The following FHIT variants were observed in gnomAD, a reference collection of about 807,000 sequenced individuals.
The protein encoded by FHIT is fragile histidine triad diadenosine triphosphatase.
FHIT carries 19 observed loss-of-function variants against 17.9 expected under a neutral mutation model. The ratio of observed to expected loss-of-function variants is 1.06; its 90% CI spans 0.74 to 1.56. FHIT has a LOEUF of 1.56. Ranked by LOEUF, FHIT falls within the 40% of genes most tolerant of loss-of-function variation. FHIT has a pLI of 0.00. For synonymous variants in FHIT, 81 were observed against 69.7 expected, an observed-to-expected ratio of 1.16 and a Z score of -0.81; for missense variants, 248 against 189.2, an observed-to-expected ratio of 1.31 and a Z score of -1.82.
chr3:60,079,253 A>G (rs1353273812), intron 5 of FHIT, among the ~76,000 whole-genome samples: 1 of 152,106 alleles, frequency 6.6e-6, no homozygotes, highest in African/African-American at 2.4e-5. Context: ...CGCAGAGACA[A>G]TGCTGTTCTA....
chr3:61,006,760 T>C (rs1305750988), intron 3 of FHIT, among the ~76,000 whole-genome samples: 1 of 152,144 alleles, frequency 6.6e-6, no homozygotes, highest in Non-Finnish European at 1.5e-5. Flanking sequence ...AAATAAAATA[T>C]ACAGAATGAA....
At chr3:59,907,780 C>T (rs1177781851) in intron 8 of FHIT, among the ~76,000 whole-genome samples, 1 of 152,230 alleles carries the variant, frequency 6.6e-6, no homozygotes, top group Non-Finnish European at 1.5e-5. Context: ...CACTGGAGGT[C>T]AGATGTCCAA....
intron 5 of FHIT, among the ~76,000 whole-genome samples, chr3:60,046,547 G>A (rs1701661879): frequency 6.6e-6 from 1 of 152,162 alleles, no homozygotes; most frequent in African/African-American, 2.4e-5. Context: ...TGGACACTAG[G>A]ACTTGTTCAC....
chr3:61,142,713 T>C (rs930018027), intron 2 of FHIT, among the ~76,000 whole-genome samples: 2 of 152,232 alleles, frequency 1.3e-5, no homozygotes, highest in African/African-American at 4.8e-5. Flanking sequence ...TACATTAACA[T>C]TTTTCATTAG....
At chr3:60,063,297 T>C (rs543699261) in intron 5 of FHIT, among the ~76,000 whole-genome samples, 2 of 152,302 alleles carry the variant, frequency 1.3e-5, no homozygotes, top group South Asian at 4.2e-4. Flanking sequence ...TTTTTGACAG[T>C]TACTAAATGA....
chr3:61,189,478 G>A (rs1369328056), intron 2 of FHIT, among the ~76,000 whole-genome samples: 1 of 152,184 alleles, frequency 6.6e-6, no homozygotes, highest in East Asian at 1.9e-4. Flanking sequence ...TGGGTAGGAA[G>A]AATCAATATG....
intron 3 of FHIT, among the ~76,000 whole-genome samples, chr3:61,010,603 G>A (rs1361447506): frequency 6.6e-6 from 1 of 152,172 alleles, no homozygotes; most frequent in Non-Finnish European, 1.5e-5. Flanking sequence ...TCCACCTGAT[G>A]GCCAAGGAAG....
intron 5 of FHIT, among the ~76,000 whole-genome samples, chr3:60,067,145 T>C (rs1431194424): frequency 6.6e-6 from 1 of 152,160 alleles, no homozygotes; most frequent in African/African-American, 2.4e-5. Flanking sequence ...TTCATGAACA[T>C]GAGTCTCTAT....
intron 1 of FHIT, among the ~76,000 whole-genome samples, chr3:61,231,766 A>G (rs1315394507): frequency 6.6e-6 from 1 of 152,202 alleles, no homozygotes; most frequent in Non-Finnish European, 1.5e-5. Context: ...AAATAAAGAG[A>G]CAACTTCAAA....
intron 7 of FHIT, among the ~76,000 whole-genome samples, chr3:59,960,632 G>T (rs1707628144): frequency 6.6e-6 from 1 of 152,124 alleles, no homozygotes; most frequent in Non-Finnish European, 1.5e-5. Flanking sequence ...GGGGTACTTT[G>T]GAAAACAATG....
intron 3 of FHIT, among the ~76,000 whole-genome samples, chr3:60,889,010 C>T (rs1705366259): frequency 1.3e-5 from 2 of 152,134 alleles, no homozygotes; most frequent in Admixed American, 6.5e-5. Flanking sequence ...ACTTAACTTC[C>T]TCGTAAAGTA....
At chr3:60,390,383 A>G (rs1468687794) in intron 5 of FHIT, among the ~76,000 whole-genome samples, 1 of 125,714 alleles carries the variant, frequency 8.0e-6, no homozygotes, top group Non-Finnish European at 1.6e-5. Flanking sequence ...GTCCCTTAAG[A>G]TTGTAATGGA....
At chr3:60,502,602 C>G (rs774755558) in intron 5 of FHIT, among the ~76,000 whole-genome samples, 8 of 152,162 alleles carry the variant, frequency 5.3e-5, no homozygotes, top group Non-Finnish European at 1.2e-4. Flanking sequence ...ATAAAAAGAT[C>G]TTGTTTAATC....
chr3:60,061,593 T>C (rs1054381112), intron 5 of FHIT, among the ~76,000 whole-genome samples: 1 of 152,220 alleles, frequency 6.6e-6, no homozygotes, highest in Non-Finnish European at 1.5e-5. Flanking sequence ...TGAATGTAAA[T>C]TGTTAGGCAA....
chr3:60,449,076 T>C (rs754099454), intron 5 of FHIT, among the ~76,000 whole-genome samples: 6 of 152,184 alleles, frequency 3.9e-5, no homozygotes, highest in Admixed American at 1.3e-4. Context: ...ATTCCAGATC[T>C]GGCCTCTGAA....
intron 3 of FHIT, among the ~76,000 whole-genome samples, chr3:60,961,334 T>C (rs1350865392): frequency 6.6e-5 from 10 of 152,336 alleles, no homozygotes; most frequent in African/African-American, 2.4e-4. Flanking sequence ...TATTAGCCCT[T>C]TGTCAGATGC....
intron 3 of FHIT, among the ~76,000 whole-genome samples, chr3:60,943,774 A>C (rs1708516071): frequency 1.3e-5 from 2 of 152,172 alleles, no homozygotes; most frequent in African/African-American, 4.8e-5. Context: ...TAATTTAGAC[A>C]CATTGGCAAA....
chr3:61,056,669 A>C (rs1434185265), intron 2 of FHIT, among the ~76,000 whole-genome samples: 1 of 152,192 alleles, frequency 6.6e-6, no homozygotes, highest in Non-Finnish European at 1.5e-5. Flanking sequence ...TCCTCTCCAC[A>C]GAGGAAGGAC....
chr3:60,359,146 G>C (rs974399931), intron 5 of FHIT, among the ~76,000 whole-genome samples: 1 of 152,102 alleles, frequency 6.6e-6, no homozygotes, highest in African/African-American at 2.4e-5. Flanking sequence ...CAAGAGTCAT[G>C]GTTGAGAATT....
Sources: gnomAD v4.1 joint callset for allele counts (sites outside exome capture counted in the v4.1 genomes callset) on GRCh38, gnomAD v4.1.1 for gene constraint, MANE v1.5 for transcripts, NCBI Gene and HGNC (gene_info 2026-07-23, HGNC 2026-07-21) for gene names.